CGN: variants seen among roughly 807,000 people sequenced by gnomAD.
CGN encodes cingulin.
A neutral mutation model predicts 157.1 loss-of-function variants in CGN; 121 were observed. The ratio of observed to expected loss-of-function variants is 0.77; its 90% CI spans 0.66 to 0.90. The LOEUF (loss-of-function observed/expected upper bound fraction) is 0.90. Among genes scored for constraint, CGN ranks in the 40% least tolerant of loss-of-function variants. The pLI, the probability that CGN is intolerant of heterozygous loss-of-function variation, is 0.00. For missense variants in CGN, 1,424 were observed against 1,520.9 expected, an observed-to-expected ratio of 0.94 and a Z score of 1.06; for synonymous variants, 535 against 607.5, an observed-to-expected ratio of 0.88 and a Z score of 1.76.
At position 151,537,445 on chromosome 1, in the gene CGN, C is replaced by A; in HGVS notation, c.*99C>A. ...TGGGTTCTGCATTCCTATGGGTGAC[C>A]CAATTATTCAGACCTAAGACAGGGA... On this transcript the variant is annotated 3_prime_UTR_variant, in exon 21 of 21. Coordinates refer to ENST00000271636, the MANE Select transcript of CGN (RefSeq NM_020770.3). The A allele has an allele frequency of 9.2e-7, 1 of 1,091,760 alleles. No homozygotes were observed. The highest frequency in any genetic ancestry group is 1.3e-6 in the Non-Finnish European group (1 of 769,940). The allele number at this position is 1,091,760 out of a possible 1,614,324, so 67.6% of individuals were successfully genotyped here.
At chr1:151,511,201 C>T (rs968006677), upstream of CGN, among the ~76,000 whole-genome samples, 2 of 152,200 alleles carry the variant, frequency 1.3e-5, no homozygotes, top group Non-Finnish European at 2.9e-5. The surrounding 1 kb of genome is among the most constrained non-coding windows in gnomAD (Gnocchi z 4.8). Flanking sequence ...CTCCGCAGCC[C>T]GTGGGTCCAC....
chr1:151,514,124 A>T (rs753953500), intron 1 of CGN, among the ~76,000 whole-genome samples: 4 of 152,072 alleles, frequency 2.6e-5, no homozygotes, highest in Admixed American at 6.5e-5. Flanking sequence ...CTGCTTTCTG[A>T]CCCACCCCAA....
At chr1:151,536,677 C>A in intron 19 of CGN, 53 bp from the exon 20 acceptor site, 1 of 1,581,160 alleles carries the variant, frequency 6.3e-7, no homozygotes, top group Non-Finnish European at 8.7e-7. Flanking sequence ...GGGAGGGTCC[C>A]AGGCCATGGT....
rs1664294316 is a variant in CGN, at chr1:151,511,527, C to T, written c.-15+12C>T. ...GGAGCCCGGCTAGGGTGAGTGGACC[C>T]GGTGCGGGCCAGGGCACCCGAGAGG... On this transcript the variant is annotated intron_variant, in intron 1 of 20. Coordinates refer to ENST00000271636, the MANE Select transcript of CGN (RefSeq NM_020770.3). This position sits in a 1 kb window ranked among gnomAD's most constrained non-coding sequence, Gnocchi z 4.8. 1.9e-5 allele frequency: 3 copies of T among 159,242 alleles called. No individual in the cohort carries two copies. The South Asian group carries it at 4.2e-4, about 23-fold the overall frequency. 9.9% of individuals were successfully genotyped at this position (159,242 alleles called of 1,614,324 possible). A position where few individuals can be genotyped will look rare whatever the true frequency, so the allele number is the denominator to read the frequency against.
At position 151,525,806 on chromosome 1, in the gene CGN, C is replaced by A; in HGVS notation, c.1763+16C>A. ...CCAAGCAGGAGTAAGGACATTGGCC[C>A]TCTCAGAAATACCCATGATTCATAT... is the stretch of plus-strand genomic sequence containing the variant. On this transcript the variant is annotated intron_variant, in intron 9 of 20. Coordinates refer to ENST00000271636, the MANE Select transcript of CGN (RefSeq NM_020770.3). The A allele has an allele frequency of 1.3e-6, 2 of 1,507,478 alleles. No homozygotes were observed. Among genetic ancestry groups the A allele is most frequent in the Non-Finnish European group, 1.8e-6 (2 of 1,127,128 alleles). The allele number at this position is 1,507,478 out of a possible 1,614,324, so 93.4% of individuals were successfully genotyped here. A position where few individuals can be genotyped will look rare whatever the true frequency, so the allele number is the denominator to read the frequency against.
chr1:151,519,241 A>G lies in CGN; in HGVS notation c.722A>G (p.Tyr241Cys), dbSNP rs375613032. The G allele has an allele frequency of 8.1e-6, 13 of 1,614,120 alleles. No homozygotes were observed. Among genetic ancestry groups the G allele is most frequent in the South Asian group, 1.1e-5 (1 of 91,078 alleles). ...AACCACTGGACCTCTAGCACAAAAT[A>G]TGACAACCATGTGGGCACTTCGAAG... Reference protein sequence around the residue: ...STNHWTSSTKYDNHVGTSKQP... With the variant: ...STNHWTSSTKCDNHVGTSKQP... Residue 241 changes from tyrosine (Y) to cysteine (C), a missense_variant, in exon 2 of 21, where the codon TAT (tyrosine) becomes TGT (cysteine). Tyr to Cys is a radical substitution (Grantham distance 194). This residue lies in a region of CGN where 1,187 missense variants were observed against 1,217.6 expected (regional missense o/e 0.97). Coordinates refer to ENST00000271636, the MANE Select transcript of CGN (RefSeq NM_020770.3).
In CGN at chr1:151,534,864, C is replaced by A. The variant is rs544784553; in HGVS notation, c.2905-178C>A. On this transcript the variant is annotated intron_variant, in intron 15 of 20. Coordinates refer to ENST00000271636, the MANE Select transcript of CGN (RefSeq NM_020770.3). ...CCCCGACCTGCCCATGATGCCACAT[C>A]TGGTCAGTAGAGGGCGCTGGCTCCA... The A allele has an allele frequency of 5.4e-5, 32 of 589,826 alleles. No individual in the cohort carries two copies. The South Asian group carries it at 6.2e-4, about 11-fold the overall frequency. The allele number at this position is 589,826 out of a possible 1,614,324, so 36.5% of individuals were successfully genotyped here.
At chr1:151,521,730 T>TG (rs1330957889) in intron 5 of CGN, among the ~76,000 whole-genome samples, 4 of 152,064 alleles carry the variant, frequency 2.6e-5, no homozygotes, top group African/African-American at 9.7e-5. Flanking sequence ...CCCAGCTACT[T>TG]GGGAGGCTGA....
At position 151,523,553 on chromosome 1, in the gene CGN, CAACAAGGAG is replaced by C; in HGVS notation, c.1261_1268+1del. Reference sequence around the variant, plus strand: ...GGAGGAAGGGGGAGGCCCAGCAGAGCAACAAGGAGTGAGTGCAGCTGGTGGCGCACCTCG... The same window carrying C: ...GGAGGAAGGGGGAGGCCCAGCAGAGCTGAGTGCAGCTGGTGGCGCACCTCG... On this transcript the variant is annotated splice_donor_variant and coding_sequence_variant, in exon 6 of 21. Transcript: ENST00000271636. LOFTEE classifies it high-confidence loss of function. 2 of 1,607,470 alleles carry C rather than the reference CAACAAGGAG, an allele frequency of 1.2e-6. No individual in the cohort carries two copies. The highest frequency in any genetic ancestry group is 1.7e-6 in the Non-Finnish European group (2 of 1,177,208).
At chr1:151,529,797 T>C (rs1227058971) in intron 11 of CGN, 112 bp from the exon 12 acceptor site, 3 of 1,041,868 alleles carry the variant, frequency 2.9e-6, no homozygotes, top group Admixed American at 2.5e-5. Flanking sequence ...AGCCTCATTC[T>C]TATGGGCTGT....
In CGN at chr1:151,518,682, G is replaced by C; in HGVS notation, c.163G>C (p.Val55Leu). The C allele has an allele frequency of 6.2e-7, 1 of 1,614,194 alleles. No individual in the cohort carries two copies. Among genetic ancestry groups the C allele is most frequent in the Non-Finnish European group, 8.5e-7 (1 of 1,180,040 alleles). Reference protein sequence around the residue: ...DARASTYGVAVRVQGIAGQPF... With the variant: ...DARASTYGVALRVQGIAGQPF... ...AAGAGCCAGTACCTACGGGGTTGCTGTGCGTGTGCAGGGAATCGCTGGGCA... is the reference window on the plus strand; with the variant it reads ...AAGAGCCAGTACCTACGGGGTTGCTCTGCGTGTGCAGGGAATCGCTGGGCA... The change falls in exon 2 of 21, where the codon GTG becomes CTG. Residue 55 changes from valine (V) to leucine (L), a missense_variant. By Grantham distance (32) the Val-to-Leu change is conservative (BLOSUM62 1). Coordinates refer to ENST00000271636, the MANE Select transcript of CGN (RefSeq NM_020770.3).
rs376837122 is a variant in CGN at position 151,524,692 on chromosome 1, G to A, written c.1420G>A (p.Glu474Lys). Residue 474 changes from glutamate (E) to lysine (K), a missense_variant, in exon 8 of 21, where the codon GAA (glutamate) becomes AAA (lysine). Around this residue, in one of 3 missense-constraint regions of CGN, gnomAD observed 1,187 missense variants for 1,217.6 expected, o/e 0.97. Coordinates refer to ENST00000271636, the MANE Select transcript of CGN (RefSeq NM_020770.3). The surrounding 1 kb of genome is among the most constrained non-coding windows in gnomAD (Gnocchi z 4.4). ...TCTCCAGGACCTGTTAGAGACCCGG[G>A]AACTTCTGGAAGAGGTCTTGGAGGG... ...VLLKDLLETR[E>K]LLEEVLEGKQ... is the part of the protein sequence containing the mutation. 2 of 1,607,990 alleles carry A rather than the reference G, an allele frequency of 1.2e-6. No homozygotes were observed. The highest frequency in any genetic ancestry group is 8.5e-7 in the Non-Finnish European group (1 of 1,178,860).
Position 151,538,086 on chromosome 1 carries a change from T to G in CGN, c.*740T>G, listed in dbSNP as rs923824269. ...CCCCAGTGATTGATTGAGAGAGCTG[T>G]TGGGGTTTCTCTGCCAATGACCCCT... On this transcript the variant is annotated 3_prime_UTR_variant, in exon 21 of 21. Coordinates refer to ENST00000271636, the MANE Select transcript of CGN (RefSeq NM_020770.3). 6.5e-6 allele frequency: 1 copy of G among 152,750 alleles called. No individual in the cohort carries two copies. Among genetic ancestry groups the G allele is most frequent in the African/African-American group, 2.4e-5 (1 of 41,428 alleles). The allele number at this position is 152,750 out of a possible 1,614,324, so 9.5% of individuals were successfully genotyped here. A position where few individuals can be genotyped will look rare whatever the true frequency, so the allele number is the denominator to read the frequency against.
At chr1:151,519,460 C>T in intron 2 of CGN, 68 bp downstream of exon 2, 1 of 1,392,892 alleles carries the variant, frequency 7.2e-7, no homozygotes, top group Non-Finnish European at 9.6e-7. Context: ...CTTTTACCCA[C>T]CAGCCATGAG....
Position 151,525,622 on chromosome 1 carries a change from C to A in CGN, c.1615-20C>A. 1 of 1,546,072 alleles carries A rather than the reference C, an allele frequency of 6.5e-7. No individual in the cohort carries two copies. Among genetic ancestry groups the A allele is most frequent in the South Asian group, 1.2e-5 (1 of 81,520 alleles). On this transcript the variant is annotated intron_variant, in intron 8 of 20. Coordinates refer to ENST00000271636, the MANE Select transcript of CGN (RefSeq NM_020770.3). ...CTCTTCCCTCTGAGCCTTCTGGTGT[C>A]CAACTCTCCCCTTCTCTAGGACCAT...
chr1:151,519,410 C>G lies in CGN; in HGVS notation c.873+18C>G. ...TGCTGCAGGTCAGACCCAGCCCCTCCCTGACTTCTAAATGTCAGCCCCTTC... is the reference window on the plus strand; with the variant it reads ...TGCTGCAGGTCAGACCCAGCCCCTCGCTGACTTCTAAATGTCAGCCCCTTC... On this transcript the variant is annotated intron_variant, in intron 2 of 20. Transcript: ENST00000271636. 6.4e-7 allele frequency: 1 copy of G among 1,554,074 alleles called. No individual in the cohort carries two copies. Among genetic ancestry groups the G allele is most frequent in the South Asian group, 1.1e-5 (1 of 87,202 alleles).
chr1:151,517,837 G>A (rs1044280954), intron 1 of CGN, among the ~76,000 whole-genome samples: 1 of 149,814 alleles, frequency 6.7e-6, no homozygotes, highest in Non-Finnish European at 1.5e-5. Context: ...ATGTATGTAT[G>A]AAGATCAAGT....
At chr1:151,510,208 T>C (rs1664251729), upstream of CGN, among the ~76,000 whole-genome samples, 1 of 151,794 alleles carries the variant, frequency 6.6e-6, no homozygotes, top group African/African-American at 2.4e-5. Context: ...GACTTTACTC[T>C]GTAGGACCCA....
intron 19 of CGN, 28 bp downstream of exon 19, chr1:151,536,373 C>T: frequency 8.1e-7 from 1 of 1,234,528 alleles, no homozygotes; most frequent in Non-Finnish European, 1.2e-6. Flanking sequence ...TGGAGCCAAG[C>T]AACCTGGGGC....
Sources: gnomAD v4.1 joint callset for allele counts (sites outside exome capture counted in the v4.1 genomes callset) on GRCh38, gnomAD v4.1.1 for gene constraint, gnomAD v4.1.1 regional missense constraint, Gnocchi (gnomAD v3.1) non-coding constraint, MANE v1.5 for transcripts, NCBI Gene and HGNC (gene_info 2026-07-23, HGNC 2026-07-21) for gene names.